Variants in PREX2 observed in about 807,000 individuals in gnomAD.
PREX2 encodes phosphatidylinositol-3,4,5-trisphosphate dependent Rac exchange factor 2.
In PREX2, 107 loss-of-function variants were observed where a neutral mutation model predicts 203.2. The ratio of observed to expected loss-of-function variants is 0.53; its 90% CI spans 0.45 to 0.62. The LOEUF is 0.62. Ranked by LOEUF, PREX2 falls within the 20% of genes least tolerant of loss-of-function variation. The probability of loss-of-function intolerance (pLI) is 0.00; values close to 1 mark genes in which losing one functional copy is unlikely to be tolerated. For missense variants in PREX2, 1,777 were observed against 1,955.9 expected, an observed-to-expected ratio of 0.91 and a Z score of 1.72; for synonymous variants, 672 against 663.6, an observed-to-expected ratio of 1.01 and a Z score of -0.19.
At chr8:67,994,584 A>C (rs1242507167) in intron 1 of PREX2, among the ~76,000 whole-genome samples, 1 of 152,242 alleles carries the variant, frequency 6.6e-6, no homozygotes, top group African/African-American at 2.4e-5. Context: ...TGAATTCATA[A>C]AAGAACAGTG....
Position 67,961,522 on chromosome 8 carries a change from TC to T in PREX2, c.141+8988del, listed in dbSNP as rs1045301260. Among the ~76,000 whole-genome samples, 69 of 152,124 alleles carry T rather than the reference TC, an allele frequency of 4.5e-4. 1 individual carries two copies. Among genetic ancestry groups the T allele is most frequent in the Non-Finnish European group, 6.2e-4 (42 of 67,996 alleles). ...GTAGTTGCCTCAAACAATCAAAAAT[TC>T]AGGAAAAGCATCCTGTAGTAAATGT... On this transcript the variant is annotated intron_variant, in intron 1 of 39. Transcript: ENST00000288368.
At chr8:68,191,306 A>AT in intron 35 of PREX2, among the ~76,000 whole-genome samples, 1 of 152,236 alleles carries the variant, frequency 6.6e-6, no homozygotes, top group Non-Finnish European at 1.5e-5. Flanking sequence ...AACGTTCTTC[A>AT]ATAGTCACAA....
At chr8:68,197,922 A>G (rs1812430570) in intron 37 of PREX2, among the ~76,000 whole-genome samples, 3 of 151,720 alleles carry the variant, frequency 2.0e-5, no homozygotes, top group African/African-American at 7.3e-5. Flanking sequence ...TAGTTTGGTG[A>G]TTTATCTTCT....
At chr8:68,122,449 T>G (rs1346371053) in intron 30 of PREX2, among the ~76,000 whole-genome samples, 1 of 152,056 alleles carries the variant, frequency 6.6e-6, no homozygotes, top group Non-Finnish European at 1.5e-5. Context: ...ATAGCATAAA[T>G]GTTAAATGCA....
At chr8:68,091,963 G>T (rs1436030225) in intron 20 of PREX2, among the ~76,000 whole-genome samples, 2 of 152,112 alleles carry the variant, frequency 1.3e-5, no homozygotes, top group Admixed American at 1.3e-4. Context: ...AATGATAATT[G>T]ACTATTTGTC....
At chr8:68,142,141 A>T (rs1811243003) in intron 33 of PREX2, among the ~76,000 whole-genome samples, 1 of 152,180 alleles carries the variant, frequency 6.6e-6, no homozygotes, top group South Asian at 2.1e-4. Context: ...AAAATCACTC[A>T]AAGTTCATAG....
At chr8:68,103,649 C>T (rs1316892500) in intron 23 of PREX2, 1 of 519,174 alleles carries the variant, frequency 1.9e-6, no homozygotes, top group Non-Finnish European at 3.8e-6. Context: ...CTCTGTGTAA[C>T]TGAAATGGCT....
rs546587883 is a variant in PREX2 at position 68,207,626 on chromosome 8, C to T, written c.4605-9990C>T. Among the ~76,000 whole-genome samples the T allele has an allele frequency of 2.0e-5, 3 of 152,148 alleles. No homozygotes were observed. The East Asian group carries it at 5.8e-4, about 29-fold the overall frequency. ...ACGTTTATTGAGAATAAATGACACG[C>T]TATACTTCATACTAAGTATTAGGCA... On this transcript the variant is annotated intron_variant, in intron 37 of 39. Transcript: ENST00000288368.
At chr8:68,188,915 G>A (rs775592679) in intron 35 of PREX2, among the ~76,000 whole-genome samples, 24 of 152,216 alleles carry the variant, frequency 1.6e-4, no homozygotes, top group Non-Finnish European at 2.8e-4. Flanking sequence ...TATTTATTAA[G>A]ATCATACTAT....
chr8:68,211,091 A>C (rs751215261), intron 37 of PREX2, among the ~76,000 whole-genome samples: 3 of 152,198 alleles, frequency 2.0e-5, no homozygotes, highest in Middle Eastern at 3.2e-3. Flanking sequence ...ACCAGTTCAC[A>C]TGCTTTTCCT....
At chr8:68,171,480 GAA>G (rs200887937) in intron 35 of PREX2, among the ~76,000 whole-genome samples, 1 of 147,300 alleles carries the variant, frequency 6.8e-6, no homozygotes. Context: ...ACTTCTGCAG[GAA>G]AAAAAAAAAT....
In PREX2 at chr8:68,115,841, G is replaced by T; in HGVS notation, c.3235G>T (p.Glu1079Ter). The stretch of plus-strand genomic sequence containing the variant: ...AACAGACAGTGACAATGAGAAGGGA[G>T]AAAGAAACAGCAAACGGGTATGTTT... ...IPTDSDNEKG[E>*]RNSKRVCFNV... The change falls in exon 26 of 40, where the codon GAA (glutamate) becomes TAA (stop). Residue 1079 changes from glutamate to a stop codon, truncating the protein, a stop_gained. Coordinates refer to ENST00000288368, the MANE Select transcript of PREX2 (RefSeq NM_024870.4). LOFTEE classifies it high-confidence loss of function. The T allele has an allele frequency of 6.2e-7, 1 of 1,613,920 alleles. No homozygotes were observed. Among genetic ancestry groups the T allele is most frequent in the Non-Finnish European group, 8.5e-7 (1 of 1,179,868 alleles).
intron 34 of PREX2, among the ~76,000 whole-genome samples, chr8:68,155,267 A>G (rs1032750989): frequency 6.6e-6 from 1 of 152,192 alleles, no homozygotes; most frequent in Non-Finnish European, 1.5e-5. Flanking sequence ...AAGCCATAAG[A>G]AATAAACAAA....
Position 68,084,346 on chromosome 8 carries a change from T to A in PREX2, c.2027+958T>A, listed in dbSNP as rs555171822. Among the ~76,000 whole-genome samples, 65 of 152,300 alleles carry A rather than the reference T, an allele frequency of 4.3e-4. 1 individual carries two copies. Among genetic ancestry groups the A allele is most frequent in the African/African-American group, 1.3e-3 (55 of 41,582 alleles). ...TTAGCACTTCAAAAATAAGATTTTT[T>A]AAATTTTAACTACCTATTAAAAGTA... On this transcript the variant is annotated intron_variant, in intron 18 of 39. Coordinates refer to ENST00000288368, the MANE Select transcript of PREX2 (RefSeq NM_024870.4).
intron 37 of PREX2, among the ~76,000 whole-genome samples, chr8:68,214,103 A>G (rs1347190193): frequency 1.3e-5 from 2 of 152,192 alleles, no homozygotes; most frequent in Non-Finnish European, 2.9e-5. Context: ...GGCATCAGGT[A>G]AGAAACTCCA....
At chr8:68,106,834 T>C (rs992396251) in intron 23 of PREX2, among the ~76,000 whole-genome samples, 3 of 152,180 alleles carry the variant, frequency 2.0e-5, no homozygotes, top group African/African-American at 4.8e-5. Context: ...GAAGAGAATA[T>C]AGACATTATT....
intron 1 of PREX2, among the ~76,000 whole-genome samples, chr8:67,990,136 C>T (rs1806554677): frequency 6.6e-6 from 1 of 152,092 alleles, no homozygotes. Context: ...CAGGCATGCA[C>T]CACCACACCC....
At chr8:68,110,374 G>A (rs1409798404) in intron 25 of PREX2, among the ~76,000 whole-genome samples, 2 of 152,082 alleles carry the variant, frequency 1.3e-5, no homozygotes, top group Non-Finnish European at 2.9e-5. Context: ...AGAAGTGACT[G>A]AGTAATAATA....
At chr8:68,038,372 C>T (rs949652241) in intron 7 of PREX2, 80 bp downstream of exon 7, 1 of 1,429,974 alleles carries the variant, frequency 7.0e-7, no homozygotes, top group Admixed American at 1.9e-5. Context: ...ACTCATCTAT[C>T]CAGCTCACAG....
Sources: allele counts gnomAD v4.1 joint callset (sites outside exome capture counted in the v4.1 genomes callset), GRCh38; gene constraint gnomAD v4.1.1; transcripts MANE v1.5; gene names NCBI Gene and HGNC (gene_info 2026-07-23, HGNC 2026-07-21).